The following PDXDC1 variants were observed in gnomAD, a reference collection of about 807,000 sequenced individuals.
PDXDC1 encodes the protein pyridoxal dependent decarboxylase domain containing 1, also known as pyridoxal-dependent decarboxylase domain-containing protein 1.
PDXDC1 carries 42 observed loss-of-function variants against 100.1 expected under a neutral mutation model. The ratio of observed to expected loss-of-function variants is 0.42; its 90% CI spans 0.33 to 0.54. PDXDC1 has a LOEUF of 0.54. Among genes scored for constraint, PDXDC1 ranks in the 20% least tolerant of loss-of-function variants. The probability of loss-of-function intolerance (pLI) is 0.10; values close to 1 mark genes in which losing one functional copy is unlikely to be tolerated. For synonymous variants in PDXDC1, 260 were observed against 371.7 expected (o/e 0.70, Z 3.46); for missense variants, 636 against 979.2 (o/e 0.65, Z 4.68).
intron 1 of PDXDC1, chr16:14,988,237 G>A: frequency 6.2e-7 from 1 of 1,613,566 alleles, no homozygotes; most frequent in East Asian, 2.2e-5. Context: ...AATGGTGGCT[G>A]AAAGCAGGAC....
intron 16 of PDXDC1, among the ~76,000 whole-genome samples, chr16:15,048,978 CA>C (rs2044191205): frequency 6.8e-6 from 1 of 146,892 alleles, no homozygotes; most frequent in South Asian, 2.2e-4. Flanking sequence ...AGGCTGGTCT[CA>C]AACTCCTGGG....
Position 15,038,170 on chromosome 16 carries a change from A to G in PDXDC1, c.*1895A>G. Reference sequence around the variant, plus strand: ...CATCAAGGTAGATCTAATATGTTCAACAAAGTGGGGTGGCTCAGCCAGAGG... The same window carrying G: ...CATCAAGGTAGATCTAATATGTTCAGCAAAGTGGGGTGGCTCAGCCAGAGG... On this transcript the variant is annotated 3_prime_UTR_variant, in exon 23 of 23. Coordinates refer to ENST00000396410, the MANE Select transcript of PDXDC1 (RefSeq NM_015027.4). 1.9e-6 allele frequency: 3 copies of G among 1,613,678 alleles called. No homozygotes were observed. The highest frequency in any genetic ancestry group is 1.1e-5 in the South Asian group (1 of 90,930).
intron 11 of PDXDC1, among the ~76,000 whole-genome samples, chr16:15,018,598 T>C (rs1207071865): frequency 2.0e-5 from 3 of 152,250 alleles, no homozygotes; most frequent in African/African-American, 7.2e-5. Context: ...ATCTGGGTTT[T>C]CCACTGGCTT....
chr16:15,059,275 C>T (rs2044630988), intron 16 of PDXDC1, among the ~76,000 whole-genome samples: 1 of 152,126 alleles, frequency 6.6e-6, no homozygotes, highest in Non-Finnish European at 1.5e-5. Flanking sequence ...CCATCGTAAG[C>T]ACTGCCCGGC....
At chr16:15,126,253 C>T (rs1826654726) in intron 16 of PDXDC1, among the ~76,000 whole-genome samples, 1 of 144,794 alleles carries the variant, frequency 6.9e-6, no homozygotes, top group Admixed American at 7.1e-5. Flanking sequence ...CCAGGCTGGT[C>T]TTGGAACTCC....
rs1597683357 is a variant in PDXDC1 at position 15,033,080 on chromosome 16, G to A, written c.1690+101G>A. On this transcript the variant is annotated intron_variant, in intron 18 of 22. Transcript: ENST00000396410. Reference sequence around the variant, plus strand: ...TCCCTTAGCGGGCTAGCGCCTCTCGGGCTGGGTTCCAGGCGAAGATGCGGT... The same window carrying A: ...TCCCTTAGCGGGCTAGCGCCTCTCGAGCTGGGTTCCAGGCGAAGATGCGGT... The A allele has an allele frequency of 5.1e-6, 5 of 989,808 alleles. No homozygotes were observed. In the East Asian group the frequency reaches 1.2e-4, roughly 24 times the overall value. 61.3% of individuals were successfully genotyped at this position (989,808 alleles called of 1,614,324 possible). A position where few individuals can be genotyped will look rare whatever the true frequency, so the allele number is the denominator to read the frequency against.
chr16:14,998,925 G>A lies in PDXDC1; in HGVS notation c.161+520G>A, dbSNP rs375849111. On this transcript the variant is annotated intron_variant, in intron 3 of 22. Transcript: ENST00000396410. The stretch of plus-strand genomic sequence containing the variant: ...GCTGGCTTCTCTCCCTCTCCCATTT[G>A]GAATTTAATAGATGCTAAGTACAGT... Among the ~76,000 whole-genome samples, 54 of 152,126 alleles carry A rather than the reference G, an allele frequency of 3.5e-4. 1 individual carries two copies. In the Middle Eastern group the frequency reaches 0.01, roughly 29 times the overall value.
At chr16:15,128,352 C>G in intron 16 of PDXDC1, 1 of 1,606,922 alleles carries the variant, frequency 6.2e-7, no homozygotes, top group Non-Finnish European at 8.5e-7. Context: ...TCCGGCTGTC[C>G]ACCCCATACA....
At chr16:15,103,524 G>C (rs1404344880) in intron 16 of PDXDC1, among the ~76,000 whole-genome samples, 1 of 151,838 alleles carries the variant, frequency 6.6e-6, no homozygotes, top group Non-Finnish European at 1.5e-5. Flanking sequence ...TATTTTTTGA[G>C]TCAGAGTCTC....
the PDXDC1 span, among the ~76,000 whole-genome samples, chr16:15,147,712 A>G: frequency 6.6e-6 from 1 of 152,098 alleles, no homozygotes; most frequent in Non-Finnish European, 1.5e-5. Flanking sequence ...TTTTTGAGAC[A>G]GAGTCTCGCT....
chr16:15,004,554 G>A (rs1973865394), intron 5 of PDXDC1, among the ~76,000 whole-genome samples: 1 of 152,302 alleles, frequency 6.6e-6, no homozygotes, highest in African/African-American at 2.4e-5. Flanking sequence ...ACTAATACAT[G>A]TGAAGGGTGG....
intron 16 of PDXDC1, chr16:15,093,963 C>A: frequency 1.6e-6 from 1 of 630,914 alleles, no homozygotes; most frequent in Non-Finnish European, 2.8e-6. Context: ...TTTCCAGGCC[C>A]CACCCATGTC....
chr16:15,043,741 A>G (rs1038018520), intron 16 of PDXDC1, among the ~76,000 whole-genome samples: 1 of 152,186 alleles, frequency 6.6e-6, no homozygotes, highest in Admixed American at 6.5e-5. Flanking sequence ...CCAGGTCGGG[A>G]GTTCACAACC....
At chr16:15,027,910 G>A (rs1423777247) in intron 14 of PDXDC1, among the ~76,000 whole-genome samples, 3 of 152,272 alleles carry the variant, frequency 2.0e-5, no homozygotes, top group Non-Finnish European at 4.4e-5. Context: ...TAGGTCCGTG[G>A]GGGTAGAGTC....
Position 15,125,883 on chromosome 16 carries a change from G to A in PDXDC1, c.1400-12996G>A, listed in dbSNP as rs759173916. The A allele has an allele frequency of 1.6e-4, 120 of 738,934 alleles. 1 individual carries two copies. The highest frequency in any genetic ancestry group is 6.1e-4 in the South Asian group (42 of 68,844). 45.8% of individuals were successfully genotyped at this position (738,934 alleles called of 1,614,324 possible). A position where few individuals can be genotyped will look rare whatever the true frequency, so the allele number is the denominator to read the frequency against. On this transcript the variant is annotated intron_variant, in intron 16 of 16. Transcript: ENST00000535621. The stretch of plus-strand genomic sequence containing the variant: ...ACCTGGATGAGAAGCCACCTCCTCA[G>A]CAGACAGGACAGAGCCCGGTGCCAT...
At chr16:15,001,726 G>A (rs534280552) in intron 3 of PDXDC1, 50 bp from the exon 4 acceptor site, 27 of 1,435,334 alleles carry the variant, frequency 1.9e-5, no homozygotes, top group Admixed American at 9.2e-5. Context: ...GGAGAGTGGC[G>A]GGGGATGTGT....
chr16:15,029,116 C>A lies in PDXDC1; in HGVS notation c.1293+150C>A, dbSNP rs912539721. 18 of 895,848 alleles carry A rather than the reference C, an allele frequency of 2.0e-5. No individual in the cohort carries two copies. The Admixed American group carries it at 2.9e-4, about 14-fold the overall frequency. The allele number at this position is 895,848 out of a possible 1,614,324, so 55.5% of individuals were successfully genotyped here. A position where few individuals can be genotyped will look rare whatever the true frequency, so the allele number is the denominator to read the frequency against. On this transcript the variant is annotated intron_variant, in intron 15 of 22. Coordinates refer to ENST00000396410, the MANE Select transcript of PDXDC1 (RefSeq NM_015027.4). Reference sequence around the variant, plus strand: ...GCTGGGCCTGCTCTGGAGTTCTGTTCCCCATTGCGTTACCACCTCACGAGC... The same window carrying A: ...GCTGGGCCTGCTCTGGAGTTCTGTTACCCATTGCGTTACCACCTCACGAGC...
chr16:15,022,142 A>G (rs2042255407), intron 12 of PDXDC1, among the ~76,000 whole-genome samples: 1 of 152,290 alleles, frequency 6.6e-6, no homozygotes, highest in African/African-American at 2.4e-5. Context: ...ATGACACTAC[A>G]TTCTAGACCC....
chr16:14,975,340 G>T, intron 1 of PDXDC1, 120 bp downstream of exon 1: 2 of 1,344,328 alleles, frequency 1.5e-6, no homozygotes, highest in South Asian at 2.1e-5. Flanking sequence ...CGGGCTGACA[G>T]GCCCTGCCTG....
Sources: allele counts gnomAD v4.1 joint callset (sites outside exome capture counted in the v4.1 genomes callset), GRCh38; gene constraint gnomAD v4.1.1; transcripts MANE v1.5; gene names NCBI Gene and HGNC (gene_info 2026-07-23, HGNC 2026-07-21).